Variants in EYS observed in about 807,000 individuals in gnomAD.
The protein encoded by EYS is protein eyes shut homolog.
A neutral mutation model predicts 282.1 loss-of-function variants in EYS; 250 were observed. That is an observed-to-expected ratio of 0.89 (90% CI 0.80 to 0.98). The LOEUF (loss-of-function observed/expected upper bound fraction) is 0.98. Among genes scored for constraint, EYS ranks in the 50% least tolerant of loss-of-function variants. The pLI, the probability that EYS is intolerant of heterozygous loss-of-function variation, is 0.00. For synonymous variants in EYS, 1,355 were observed against 1,282.9 expected, an observed-to-expected ratio of 1.06 and a Z score of -1.20; for missense variants, 4,016 against 3,709.0, an observed-to-expected ratio of 1.08 and a Z score of -2.15.
rs75399459 is a variant in EYS at position 64,876,528 on chromosome 6, T to C, written c.2992+10169A>G. Among the ~76,000 whole-genome samples, 102 of 152,224 alleles carry C rather than the reference T, an allele frequency of 6.7e-4. 2 individuals are homozygous for C. The East Asian group carries it at 0.017, about 26-fold the overall frequency. On this transcript the variant is annotated intron_variant, in intron 19 of 42. Coordinates refer to ENST00000503581, the MANE Select transcript of EYS (RefSeq NM_001142800.2). ...CTAGGCACTCTTGTAGGTACTGCAATAAAATAATGAACAAAAGAGAGAAAT... is the reference window on the plus strand; with the variant it reads ...CTAGGCACTCTTGTAGGTACTGCAACAAAATAATGAACAAAAGAGAGAAAT...
At chr6:64,160,907 ACTG>A (rs1775086752) in intron 31 of EYS, among the ~76,000 whole-genome samples, 1 of 152,182 alleles carries the variant, frequency 6.6e-6, no homozygotes, top group South Asian at 2.1e-4. Flanking sequence ...TGATGCCAGG[ACTG>A]CTGTTCCATT....
chr6:64,370,504 G>T (rs1272620836), intron 29 of EYS, among the ~76,000 whole-genome samples: 1 of 152,072 alleles, frequency 6.6e-6, no homozygotes, highest in Admixed American at 6.6e-5. Flanking sequence ...GTCTCTTCCA[G>T]GTTTTGGCAT....
intron 41 of EYS, among the ~76,000 whole-genome samples, chr6:63,737,576 TTGGTATCAGGATGATGC>T (rs1324210316): frequency 6.6e-6 from 1 of 152,194 alleles, no homozygotes; most frequent in Non-Finnish European, 1.5e-5. Context: ...CTGCCCGGCT[TTGGTATCAGGATGATGC>T]TGGCCTCATA....
intron 31 of EYS, among the ~76,000 whole-genome samples, chr6:64,124,010 T>A (rs1054843843): frequency 1.4e-4 from 21 of 152,132 alleles, no homozygotes; most frequent in African/African-American, 5.1e-4. Context: ...AGGCGAAGCA[T>A]CCAAACCAGG....
At chr6:65,673,803 C>A (rs1037219960) in intron 1 of EYS, among the ~76,000 whole-genome samples, 1 of 151,954 alleles carries the variant, frequency 6.6e-6, no homozygotes, top group African/African-American at 2.4e-5. Flanking sequence ...GAAGATATAA[C>A]CGCGGTGGCC....
intron 35 of EYS, among the ~76,000 whole-genome samples, chr6:63,876,340 T>G (rs1772970004): frequency 6.6e-6 from 1 of 152,234 alleles, no homozygotes; most frequent in Non-Finnish European, 1.5e-5. Context: ...TGAGAGACAG[T>G]TTGTAATAAT....
intron 36 of EYS, among the ~76,000 whole-genome samples, chr6:63,813,316 G>T (rs1029800689): frequency 1.3e-5 from 2 of 152,128 alleles, no homozygotes; most frequent in Non-Finnish European, 2.9e-5. Flanking sequence ...TGTATAACTA[G>T]AACTATAATT....
chr6:65,615,410 A>G (rs201176831), intron 2 of EYS, among the ~76,000 whole-genome samples: 20 of 146,444 alleles, frequency 1.4e-4, no homozygotes, highest in African/African-American at 4.4e-4. Flanking sequence ...ATGTGTGTGT[A>G]TATATAAATA....
At chr6:63,970,051 G>T (rs1474133645) in intron 35 of EYS, among the ~76,000 whole-genome samples, 1 of 152,152 alleles carries the variant, frequency 6.6e-6, no homozygotes, top group Non-Finnish European at 1.5e-5. Flanking sequence ...GATGGCCATG[G>T]GTTATTGGGT....
At chr6:64,514,323 T>C (rs958946097) in intron 26 of EYS, among the ~76,000 whole-genome samples, 1 of 151,824 alleles carries the variant, frequency 6.6e-6, no homozygotes, top group Non-Finnish European at 1.5e-5. Flanking sequence ...TGTAGGATAA[T>C]GAATTTCAGT....
intron 12 of EYS, among the ~76,000 whole-genome samples, chr6:65,277,447 A>AG (rs1562067091): frequency 1.1e-3 from 153 of 142,014 alleles, no homozygotes; most frequent in East Asian, 7.5e-3. Flanking sequence ...AAAAAAGTTA[A>AG]TTAATTAAAA....
chr6:65,195,707 C>T (rs1275727091), intron 12 of EYS, among the ~76,000 whole-genome samples: 1 of 151,942 alleles, frequency 6.6e-6, no homozygotes, highest in Non-Finnish European at 1.5e-5. Context: ...GTGAGCACAC[C>T]ATGAACACAC....
At chr6:65,434,658 T>C (rs996076081) in intron 5 of EYS, among the ~76,000 whole-genome samples, 4 of 152,104 alleles carry the variant, frequency 2.6e-5, no homozygotes, top group Non-Finnish European at 5.9e-5. Context: ...AAATTGTCAC[T>C]TCAACTTAAA....
At chr6:63,886,740 G>A (rs188129478) in intron 35 of EYS, among the ~76,000 whole-genome samples, 85 of 152,110 alleles carry the variant, frequency 5.6e-4, no homozygotes, top group Admixed American at 2.0e-3. Flanking sequence ...GGGAGATGGC[G>A]ATATATTATG....
intron 31 of EYS, among the ~76,000 whole-genome samples, chr6:64,197,420 C>T (rs886273360): frequency 2.6e-5 from 4 of 152,144 alleles, no homozygotes; most frequent in African/African-American, 9.7e-5. Context: ...TATTTCCCAA[C>T]AGTTTGAGAA....
At chr6:64,725,190 GT>G (rs1771713332) in intron 22 of EYS, among the ~76,000 whole-genome samples, 1 of 152,080 alleles carries the variant, frequency 6.6e-6, no homozygotes, top group African/African-American at 2.4e-5. Flanking sequence ...GATATTAATA[GT>G]TCCCTTTGGA....
chr6:65,331,574 C>T (rs867372949), intron 11 of EYS: 1 of 973,840 alleles, frequency 1.0e-6, no homozygotes, highest in South Asian at 4.8e-5. Context: ...TGATAAATTA[C>T]AAAAATTTTG....
At chr6:64,742,107 C>T (rs944549842) in intron 22 of EYS, among the ~76,000 whole-genome samples, 1 of 152,228 alleles carries the variant, frequency 6.6e-6, no homozygotes, top group South Asian at 2.1e-4. Context: ...TAAAGTGAGA[C>T]ACATGTAACT....
rs192014820 is a variant in EYS at position 65,416,631 on chromosome 6, T to C, written c.863-11264A>G. Among the ~76,000 whole-genome samples, 57 of 152,170 alleles carry C rather than the reference T, an allele frequency of 3.7e-4. No homozygotes were observed. In the South Asian group the frequency reaches 0.011, roughly 30 times the overall value. ...AAGATTATTTTAGACCATTATGTTT[T>C]ATTACAATTTCAGTAAATTCTTTTG... On this transcript the variant is annotated intron_variant, in intron 5 of 42. Transcript: ENST00000503581.
Sources: gnomAD v4.1 joint callset for allele counts (sites outside exome capture counted in the v4.1 genomes callset) on GRCh38, gnomAD v4.1.1 for gene constraint, MANE v1.5 for transcripts, NCBI Gene and HGNC (gene_info 2026-07-23, HGNC 2026-07-21) for gene names.